CHCT1: variants seen among roughly 807,000 people sequenced by gnomAD.
The protein encoded by CHCT1 is CHD1 helical C-terminal domain containing 1, also known as CHD1 helical C-terminal domain containing protein 1.
chr17:60,426,531 C>T, the CHCT1 span: 1 of 1,066,226 alleles, frequency 9.4e-7, no homozygotes, highest in East Asian at 2.6e-5. Context: ...CAACTGCGTG[C>T]AGGCGCTCAA....
chr17:60,428,763 A>T, the CHCT1 span, among the ~76,000 whole-genome samples: 1 of 152,190 alleles, frequency 6.6e-6, no homozygotes, highest in Admixed American at 6.5e-5. Context: ...CTAGGACTAC[A>T]GGCATGAGCC....
At chr17:60,422,612 A>T in the CHCT1 span, 3 of 1,548,728 alleles carry the variant, frequency 1.9e-6, no homozygotes, top group Non-Finnish European at 2.6e-6. Context: ...TCAGATGGGC[A>T]AGGGGGTGAA....
At chr17:60,422,109 C>A in the CHCT1 span, 1 of 297,522 alleles carries the variant, frequency 3.4e-6, no homozygotes, top group Non-Finnish European at 5.5e-6. Context: ...TTCTCCCTTT[C>A]AGCTCTCCCT....
At chr17:60,424,539 C>G in the CHCT1 span, among the ~76,000 whole-genome samples, 5 of 152,218 alleles carry the variant, frequency 3.3e-5, no homozygotes, top group East Asian at 5.8e-4. Context: ...ATCATGAGGT[C>G]AGCCTGCTCT....
At chr17:60,424,803 G>A in the CHCT1 span, among the ~76,000 whole-genome samples, 4 of 151,206 alleles carry the variant, frequency 2.6e-5, no homozygotes, top group Non-Finnish European at 5.9e-5. Flanking sequence ...AACCCGGGAG[G>A]CCAAGGTTGC....
At chr17:60,425,845 G>A in the CHCT1 span, 1 of 1,551,634 alleles carries the variant, frequency 6.4e-7, no homozygotes, top group South Asian at 1.2e-5. Flanking sequence ...ACTCGCTCAT[G>A]CGCCATGCCA....
chr17:60,424,649 C>T, the CHCT1 span, among the ~76,000 whole-genome samples: 4 of 151,994 alleles, frequency 2.6e-5, no homozygotes, highest in South Asian at 2.1e-4. Context: ...TTTTGGGAGC[C>T]GAGGTGGGTG....
chr17:60,421,724 A>T, the CHCT1 span: 4 of 797,244 alleles, frequency 5.0e-6, no homozygotes, highest in African/African-American at 5.6e-5. Context: ...CGGCCAACTC[A>T]GACTACACCC....
the CHCT1 span, chr17:60,421,813 A>G: frequency 1.0e-6 from 1 of 971,928 alleles, no homozygotes; most frequent in Non-Finnish European, 1.2e-6. Context: ...GGGTGGCGGG[A>G]CTTTCGCCGA....
the CHCT1 span, chr17:60,426,840 C>A: frequency 6.3e-7 from 1 of 1,575,730 alleles, no homozygotes; most frequent in East Asian, 2.3e-5. Flanking sequence ...ACATTCCGCC[C>A]GAGCACAGCT....
the CHCT1 span, chr17:60,426,347 C>A: frequency 6.5e-7 from 1 of 1,546,850 alleles, no homozygotes; most frequent in South Asian, 1.2e-5. Flanking sequence ...GTAGGGCAGT[C>A]TCTTTGCTCT....
chr17:60,425,885 G>A, the CHCT1 span: 1 of 1,548,980 alleles, frequency 6.5e-7, no homozygotes, highest in East Asian at 2.4e-5. Context: ...CTTCAAAACT[G>A]TGAGTAAAGA....
At chr17:60,429,633 A>T in the CHCT1 span, 22 of 1,456,720 alleles carry the variant, frequency 1.5e-5, no homozygotes, top group African/African-American at 2.8e-4. Flanking sequence ...TCCCAAGAGT[A>T]GACTCAAGCA....
the CHCT1 span, among the ~76,000 whole-genome samples, chr17:60,424,474 GA>G: frequency 1.3e-5 from 2 of 151,986 alleles, no homozygotes; most frequent in African/African-American, 4.8e-5. Context: ...AAATTAATCA[GA>G]AAAAAAGAGG....
the CHCT1 span, among the ~76,000 whole-genome samples, chr17:60,430,574 C>T: frequency 1.5e-4 from 23 of 152,282 alleles, no homozygotes; most frequent in African/African-American, 4.3e-4. Flanking sequence ...TCAGCCTCCC[C>T]GGTTCAAGTG....
the CHCT1 span, chr17:60,425,995 C>T: frequency 1.6e-6 from 2 of 1,282,122 alleles, no homozygotes; most frequent in South Asian, 1.3e-5. Flanking sequence ...ACTTGTCTTA[C>T]TCTTGGTAAG....
chr17:60,425,839 G>A, the CHCT1 span: 23 of 1,551,560 alleles, frequency 1.5e-5, no homozygotes, highest in Middle Eastern at 1.7e-4. Flanking sequence ...CTAGAGACTC[G>A]CTCATGCGCC....
chr17:60,421,748 C>G, the CHCT1 span: 81 of 830,356 alleles, frequency 9.8e-5, no homozygotes, highest in Non-Finnish European at 1.1e-4. Flanking sequence ...CTCTGCCCAC[C>G]GCGTTTCCGC....
the CHCT1 span, chr17:60,429,396 C>A: frequency 5.6e-6 from 9 of 1,614,042 alleles, no homozygotes; most frequent in African/African-American, 8.0e-5. Context: ...CCGGAGAGGT[C>A]CTTGCTGGCC....
Sources: gnomAD v4.1 joint callset for allele counts (sites outside exome capture counted in the v4.1 genomes callset) on GRCh38, gnomAD v4.1.1 for gene constraint, MANE v1.5 for transcripts, NCBI Gene and HGNC (gene_info 2026-07-23, HGNC 2026-07-21) for gene names.